DENND4C: variants seen among roughly 807,000 people sequenced by gnomAD.
DENND4C encodes DENN domain-containing protein 4C.
A neutral mutation model predicts 203.0 loss-of-function variants in DENND4C; 108 were observed. That is an observed-to-expected ratio of 0.53 (90% confidence interval 0.46 to 0.62). The LOEUF (loss-of-function observed/expected upper bound fraction) is 0.62, where lower values mean the gene tolerates loss of function less well. Among genes scored for constraint, DENND4C ranks in the 20% least tolerant of loss-of-function variants. The pLI is 0.00. For synonymous variants in DENND4C, 871 were observed against 792.4 expected (o/e 1.10, Z -1.67); for missense variants, 2,481 against 2,301.2 (o/e 1.08, Z -1.60).
At chr9:19,274,899 A>G (rs1254517460) in intron 1 of DENND4C, among the ~76,000 whole-genome samples, 3 of 152,210 alleles carry the variant, frequency 2.0e-5, no homozygotes, top group Admixed American at 6.5e-5. Context: ...AAAGAGAATG[A>G]TATTTTGAAT....
In DENND4C at chr9:19,304,839, G is replaced by A. The variant is rs182412859; in HGVS notation, c.1312-513G>A. 2.2e-3 allele frequency among the ~76,000 whole-genome samples: 332 copies of A among 151,098 alleles called. 6 individuals carry two copies. The highest frequency in any genetic ancestry group is 0.02 in the Admixed American group (308 of 15,168). On this transcript the variant is annotated intron_variant, in intron 9 of 32. Transcript: ENST00000434457. ...GCTGGGATTACAGGCGTGAGCCACC[G>A]CGCCCGGCCATGAATTTTTTTTTGT...
chr9:19,259,562 T>C (rs1035504742), intron 1 of DENND4C, among the ~76,000 whole-genome samples: 1 of 150,090 alleles, frequency 6.7e-6, no homozygotes, highest in Non-Finnish European at 1.5e-5. Context: ...TGGAGTGCAG[T>C]GGCGCGATCT....
Position 19,336,827 on chromosome 9 carries a change from G to A in DENND4C, c.2876G>A (p.Ser959Asn), listed in dbSNP as rs1820584273. The change falls in exon 20 of 33, where the codon AGC becomes AAC. Residue 959 changes from serine to asparagine, a missense_variant. Physicochemically the swap from Ser to Asn is conservative, Grantham distance 46 (BLOSUM62 1). Transcript: ENST00000434457. ...IRLESIDNHS[S>N]TGGQSDQGYG... Reference sequence around the variant, plus strand: ...CTTGAGTCCATTGATAATCACTCTAGCACAGGTACTAAAATCCAGATTTTA... The same window carrying A: ...CTTGAGTCCATTGATAATCACTCTAACACAGGTACTAAAATCCAGATTTTA... 1 of 1,547,606 alleles carries A rather than the reference G, an allele frequency of 6.5e-7. No homozygotes were observed. Among genetic ancestry groups the A allele is most frequent in the Non-Finnish European group, 8.7e-7 (1 of 1,146,086 alleles).
At position 19,284,020 on chromosome 9, in the gene DENND4C, CAT is replaced by C. The variant is rs565104620; in HGVS notation, c.306-2748_306-2747del. On this transcript the variant is annotated intron_variant, in intron 2 of 32. Transcript: ENST00000434457. ...CTTTTGTTTTTTGAGAAATTTCAAA[CAT>C]GTGAAAAGTTGATAAACTATTATAA... 1.0e-3 allele frequency among the ~76,000 whole-genome samples: 152 copies of C among 152,240 alleles called. 2 individuals are homozygous for C. The highest frequency in any genetic ancestry group is 2.1e-3 in the African/African-American group (89 of 41,566).
At chr9:19,320,343 C>T (rs1177279070) in intron 12 of DENND4C, among the ~76,000 whole-genome samples, 2 of 151,994 alleles carry the variant, frequency 1.3e-5, no homozygotes, top group South Asian at 2.1e-4. Context: ...GGATTACAGG[C>T]GCGCACCACC....
At chr9:19,293,275 A>G (rs568533012) in intron 5 of DENND4C, among the ~76,000 whole-genome samples, 1 of 152,210 alleles carries the variant, frequency 6.6e-6, no homozygotes, top group African/African-American at 2.4e-5. Context: ...ACATGTAAGC[A>G]TTGAGGTGTG....
At chr9:19,248,541 C>T (rs1412945885) in intron 1 of DENND4C, among the ~76,000 whole-genome samples, 5 of 152,014 alleles carry the variant, frequency 3.3e-5, no homozygotes, top group Admixed American at 6.6e-5. Context: ...AGGCATGCGC[C>T]GCCTCGCCTG....
chr9:19,302,652 C>T (rs1200415558), intron 9 of DENND4C, among the ~76,000 whole-genome samples: 1 of 152,158 alleles, frequency 6.6e-6, no homozygotes, highest in East Asian at 1.9e-4. Flanking sequence ...AATTGTCACT[C>T]AAAGAAATCT....
intron 21 of DENND4C, 129 bp downstream of exon 21, chr9:19,341,243 G>A: frequency 1.6e-6 from 1 of 626,094 alleles, no homozygotes; most frequent in Non-Finnish European, 2.4e-6. Context: ...AAGATGCTGT[G>A]TACTGTTACA....
At chr9:19,293,206 C>T (rs1043467185) in intron 5 of DENND4C, among the ~76,000 whole-genome samples, 17 of 152,154 alleles carry the variant, frequency 1.1e-4, no homozygotes, top group Non-Finnish European at 2.5e-4. Flanking sequence ...AATAAAGTCT[C>T]ATTTGAGATG....
At position 19,358,031 on chromosome 9, in the gene DENND4C, A is replaced by T; in HGVS notation, c.5031A>T (p.Leu1677Phe). 1.9e-6 allele frequency: 3 copies of T among 1,613,884 alleles called. No homozygotes were observed. Among genetic ancestry groups the T allele is most frequent in the Non-Finnish European group, 2.5e-6 (3 of 1,179,800 alleles). ...AAATTTCATCTGTGCCTAATAGTTT[A>T]TCAAAGCGAAATGTGTCTTTGACTC... is the stretch of plus-strand genomic sequence containing the variant. ...TMKISSVPNS[L>F]SKRNVSLTRS... The change falls in exon 28 of 33, where the codon TTA becomes TTT. Residue 1677 changes from leucine to phenylalanine, a missense_variant. Physicochemically the swap from Leu to Phe is conservative, Grantham distance 22. Coordinates refer to ENST00000434457, the MANE Select transcript of DENND4C (RefSeq NM_001330640.2). This position sits in a 1 kb window ranked among gnomAD's most constrained non-coding sequence, Gnocchi z 4.8.
intron 2 of DENND4C, among the ~76,000 whole-genome samples, chr9:19,280,037 A>C (rs1409310123): frequency 2.0e-5 from 3 of 152,102 alleles, no homozygotes; most frequent in Non-Finnish European, 4.4e-5. Flanking sequence ...TATAGAATAA[A>C]ATTATTGAAG....
intron 9 of DENND4C, among the ~76,000 whole-genome samples, chr9:19,304,763 A>T (rs1185434476): frequency 1.5e-5 from 2 of 137,254 alleles, no homozygotes; most frequent in African/African-American, 2.8e-5. Flanking sequence ...GTTAGCCAGG[A>T]TGGTCTCGAT....
At chr9:19,319,868 A>T (rs1842591095) in intron 12 of DENND4C, among the ~76,000 whole-genome samples, 1 of 152,204 alleles carries the variant, frequency 6.6e-6, no homozygotes, top group South Asian at 2.1e-4. Flanking sequence ...AAGGAATATT[A>T]GTGTCCTAAG....
chr9:19,278,491 AC>A (rs1356454784), intron 2 of DENND4C, among the ~76,000 whole-genome samples: 1 of 152,060 alleles, frequency 6.6e-6, no homozygotes, highest in Admixed American at 6.6e-5. Context: ...ACCACTTGTT[AC>A]GCTCATCACC....
intron 1 of DENND4C, among the ~76,000 whole-genome samples, chr9:19,231,245 A>C (rs1820469942): frequency 1.3e-5 from 2 of 151,870 alleles, no homozygotes; most frequent in South Asian, 4.2e-4. Flanking sequence ...CGAGGCTGAG[A>C]GAGCGGAGAG....
chr9:19,351,825 GA>G lies in DENND4C; in HGVS notation c.4496-239del, dbSNP rs1036417370. Among the ~76,000 whole-genome samples the G allele has an allele frequency of 7.4e-3, 1,086 of 146,224 alleles. 18 individuals carry two copies. Among genetic ancestry groups the G allele is most frequent in the African/African-American group, 0.028 (1,048 of 38,000 alleles). On this transcript the variant is annotated intron_variant, in intron 24 of 32. Transcript: ENST00000434457. ...CCATCTAAAAAAAAAAAAAAGAAAA[GA>G]AAAAAAAATTTCAAATGTCCTGAAA...
chr9:19,360,566 C>G, intron 29 of DENND4C, 77 bp downstream of exon 29: 1 of 1,549,662 alleles, frequency 6.5e-7, no homozygotes, highest in Non-Finnish European at 8.8e-7. Context: ...AAGTATACAA[C>G]AGTAGCAGCT....
rs1231926808 is a variant in DENND4C at position 19,360,326 on chromosome 9, C to G, written c.5243C>G (p.Ser1748Cys). 4 of 1,614,038 alleles carry G rather than the reference C, an allele frequency of 2.5e-6. No homozygotes were observed. Among genetic ancestry groups the G allele is most frequent in the Non-Finnish European group, 3.4e-6 (4 of 1,179,978 alleles). ...CTAGTACTCCGTAAAGAACTTGAAT[C>G]TTTGCTAGAAAATGAAGGTGATCAG... ...SPLVLRKELE[S>C]LLENEGDQVI... is the part of the protein sequence containing the mutation. Residue 1748 changes from serine (S) to cysteine (C), a missense_variant, in exon 29 of 33, where the codon TCT (serine) becomes TGT (cysteine). By Grantham distance (112) the Ser-to-Cys change is moderately radical (BLOSUM62 -1). Around this residue, in one of 3 missense-constraint regions of DENND4C, gnomAD observed 2,289 missense variants for 2,113.3 expected, o/e 1.08. Coordinates refer to ENST00000434457, the MANE Select transcript of DENND4C (RefSeq NM_001330640.2).
Sources: allele counts gnomAD v4.1 joint callset (sites outside exome capture counted in the v4.1 genomes callset), GRCh38; gene constraint gnomAD v4.1.1; regional missense constraint gnomAD v4.1.1; non-coding constraint Gnocchi (gnomAD v3.1); transcripts MANE v1.5; gene names NCBI Gene and HGNC (gene_info 2026-07-23, HGNC 2026-07-21).